Variants in RBM4 observed in about 807,000 individuals in gnomAD.
The protein encoded by RBM4 is RNA binding motif protein 4.
RBM4 carries 7 observed loss-of-function variants against 29.5 expected under a neutral mutation model. That is an observed-to-expected ratio of 0.24 (90% CI 0.14 to 0.45). The LOEUF (loss-of-function observed/expected upper bound fraction) is 0.45, where lower values mean the gene tolerates loss of function less well. Ranked by LOEUF, RBM4 falls within the 20% of genes least tolerant of loss-of-function variation. The pLI, the probability that RBM4 is intolerant of heterozygous loss-of-function variation, is 1.00. For synonymous variants in RBM4, 220 were observed against 205.4 expected (o/e 1.07, Z -0.61); for missense variants, 387 against 502.3 (o/e 0.77, Z 2.19).
chr11:66,641,471 T>TA (rs1334898617), intron 2 of RBM4, among the ~76,000 whole-genome samples: 1 of 152,160 alleles, frequency 6.6e-6, no homozygotes, highest in Non-Finnish European at 1.5e-5. Flanking sequence ...AGTTGAGAAT[T>TA]ATTTTGTCAA....
Position 66,643,549 on chromosome 11 carries a change from G to T in RBM4, c.512G>T (p.Trp171Leu), listed in dbSNP as rs925492740. The T allele has an allele frequency of 6.2e-7, 1 of 1,613,978 alleles. No individual in the cohort carries two copies. ...GCYRCGKEGH[W>L]SKECPIDRSG... The stretch of plus-strand genomic sequence containing the variant: ...TATCGGTGCGGGAAAGAGGGGCACT[G>T]GTCCAAAGAGTGTCCGATAGATCGT... Residue 171 changes from tryptophan (W) to leucine (L), a missense_variant, in exon 3 of 4, where the codon TGG becomes TTG. Trp to Leu is a moderately conservative substitution (Grantham distance 61). Transcript: ENST00000310092. This position sits in a 1 kb window ranked among gnomAD's most constrained non-coding sequence, Gnocchi z 6.1.
downstream of RBM4, among the ~76,000 whole-genome samples, chr11:66,650,422 T>G (rs1314297521): frequency 2.0e-5 from 3 of 151,864 alleles, 1 homozygote; most frequent in Admixed American, 2.0e-4. Context: ...ACACAAAAAA[T>G]TAGCCGGGCA....
At chr11:66,640,608 C>T (rs958027732) in intron 2 of RBM4, 1 of 193,218 alleles carries the variant, frequency 5.2e-6, no homozygotes, top group Admixed American at 5.7e-5. Context: ...AGGGTTACAG[C>T]TCTTGTTGCT....
chr11:66,650,997 G>A (rs1339418889), downstream of RBM4, among the ~76,000 whole-genome samples: 1 of 152,200 alleles, frequency 6.6e-6, no homozygotes. Flanking sequence ...ACTCCATCCT[G>A]GGTGACAGTG....
intron 3 of RBM4, 120 bp downstream of exon 3, chr11:66,644,260 G>C (rs1286670659): frequency 7.3e-7 from 1 of 1,363,242 alleles, no homozygotes; most frequent in Non-Finnish European, 9.8e-7. Context: ...AGGTTACTAG[G>C]ATGGCTCACA....
chr11:66,646,013 G>A lies in RBM4; in HGVS notation c.*9-14G>A. 6.5e-7 allele frequency: 1 copy of A among 1,536,092 alleles called. No homozygotes were observed. Among genetic ancestry groups the A allele is most frequent in the Non-Finnish European group, 8.7e-7 (1 of 1,146,898 alleles). On this transcript the variant is annotated splice_polypyrimidine_tract_variant and intron_variant, in intron 3 of 3. Coordinates refer to ENST00000310092, the MANE Select transcript of RBM4 (RefSeq NM_002896.4). ...AGCTTTGCTGTAAAGCCGCTGTATT[G>A]TGCTCTCTTTCAGGTGGGATGTGTG...
At chr11:66,665,585 G>A (rs1161555686) in intron 2 of RBM4, 66 of 1,535,782 alleles carry the variant, frequency 4.3e-5, no homozygotes, top group Non-Finnish European at 5.3e-5. Context: ...CTACCTGAAA[G>A]AGAGCACAAC....
chr11:66,642,468 GC>G (rs984868341), intron 2 of RBM4, among the ~76,000 whole-genome samples: 2 of 152,120 alleles, frequency 1.3e-5, no homozygotes, highest in African/African-American at 4.8e-5. Context: ...AAAAGTTTCT[GC>G]TTTTATTACA....
chr11:66,651,984 T>G (rs1433782058), intron 2 of RBM4, among the ~76,000 whole-genome samples: 1 of 152,168 alleles, frequency 6.6e-6, no homozygotes, highest in African/African-American at 2.4e-5. Flanking sequence ...CTCAAAACTA[T>G]AGCAAGATTC....
At chr11:66,663,732 A>G (rs982627483) in intron 2 of RBM4, among the ~76,000 whole-genome samples, 7 of 135,458 alleles carry the variant, frequency 5.2e-5, no homozygotes, top group East Asian at 4.5e-4. Context: ...GTGTGTGTAT[A>G]TATGTTTTCT....
chr11:66,650,572 A>G (rs1938804281), downstream of RBM4, among the ~76,000 whole-genome samples: 1 of 150,534 alleles, frequency 6.6e-6, no homozygotes, highest in South Asian at 2.1e-4. Context: ...AGTCTGTCTT[A>G]ATAATAATAG....
chr11:66,651,320 A>G (rs1938826154), downstream of RBM4, among the ~76,000 whole-genome samples: 3 of 151,848 alleles, frequency 2.0e-5, no homozygotes, highest in Admixed American at 2.0e-4. Context: ...TTTGGAGAAC[A>G]GTAGTCCAGG....
At chr11:66,666,063 T>C (rs1359125996) in exon 3 of RBM4, 1 of 1,092,028 alleles carries the variant, frequency 9.2e-7, no homozygotes, top group East Asian at 2.6e-5. Context: ...AGGGGTAGGA[T>C]ATCAAGGAGC....
At chr11:66,641,994 G>C (rs756912609) in intron 2 of RBM4, among the ~76,000 whole-genome samples, 4 of 152,162 alleles carry the variant, frequency 2.6e-5, no homozygotes, top group African/African-American at 9.7e-5. Flanking sequence ...AGTTGCACTT[G>C]TTTTCTCTGG....
At chr11:66,664,007 T>G (rs902492930) in intron 2 of RBM4, among the ~76,000 whole-genome samples, 1 of 151,944 alleles carries the variant, frequency 6.6e-6, no homozygotes, top group Non-Finnish European at 1.5e-5. Flanking sequence ...AGCACTAACC[T>G]AAATCCTTTT....
At chr11:66,646,903 G>C (rs1938708094), downstream of RBM4, among the ~76,000 whole-genome samples, 1 of 152,206 alleles carries the variant, frequency 6.6e-6, no homozygotes, top group African/African-American at 2.4e-5. Flanking sequence ...GGCTCCAAGA[G>C]TACTTTGCTA....
chr11:66,668,377 C>G (rs1939324461), downstream of RBM4: 2 of 470,612 alleles, frequency 4.2e-6, no homozygotes, highest in Non-Finnish European at 7.6e-6. Context: ...TTCTCACTAA[C>G]AAACTGAATT....
At position 66,644,121 on chromosome 11, in the gene RBM4, T is replaced by G; in HGVS notation, c.1084T>G (p.Ser362Ala). 1 of 1,612,846 alleles carries G rather than the reference T, an allele frequency of 6.2e-7. No individual in the cohort carries two copies. The highest frequency in any genetic ancestry group is 8.5e-7 in the Non-Finnish European group (1 of 1,179,252). Residue 362 changes from serine (S) to alanine (A), a missense_variant, in exon 3 of 4, where the codon TCA becomes GCA. Around this residue, in one of 2 missense-constraint regions of RBM4, gnomAD observed 281 missense variants for 288.7 expected, o/e 0.97. Coordinates refer to ENST00000310092, the MANE Select transcript of RBM4 (RefSeq NM_002896.4). ...REQYADRARY[S>A]AF ...GCAGTATGCCGATCGGGCGCGGTAC[T>G]CAGCCTTTTAAAGCTTGAGGTGAGA...
chr11:66,649,117 C>T (rs192825559), downstream of RBM4, among the ~76,000 whole-genome samples: 434 of 152,202 alleles, frequency 2.9e-3, 2 homozygotes, highest in Non-Finnish European at 5.2e-3. Flanking sequence ...AGTGATTCTC[C>T]TGCCTCAGCC....
Sources: gnomAD v4.1 joint callset for allele counts (sites outside exome capture counted in the v4.1 genomes callset) on GRCh38, gnomAD v4.1.1 for gene constraint, gnomAD v4.1.1 regional missense constraint, Gnocchi (gnomAD v3.1) non-coding constraint, MANE v1.5 for transcripts, NCBI Gene and HGNC (gene_info 2026-07-23, HGNC 2026-07-21) for gene names.